Variants in MRPL48 observed in about 807,000 individuals in gnomAD.
MRPL48 encodes large ribosomal subunit protein mL48.
A neutral mutation model predicts 32.9 loss-of-function variants in MRPL48; 16 were observed. The observed-to-expected ratio is 0.49, with a 90% confidence interval of 0.33 to 0.74. MRPL48 has a LOEUF of 0.74. MRPL48 is among the 30% of genes least tolerant of loss of function. MRPL48 has a pLI of 0.02. For missense variants in MRPL48, 206 were observed against 245.3 expected, an observed-to-expected ratio of 0.84 and a Z score of 1.07; for synonymous variants, 94 against 89.2, an observed-to-expected ratio of 1.05 and a Z score of -0.31.
intron 1 of MRPL48, among the ~76,000 whole-genome samples, chr11:73,791,837 A>C (rs1364406609): frequency 6.6e-6 from 1 of 152,214 alleles, no homozygotes; most frequent in African/African-American, 2.4e-5. Flanking sequence ...TGGTAAGTAC[A>C]TGGTAGAGCT....
intron 3 of MRPL48, chr11:73,817,831 G>C: frequency 2.5e-6 from 1 of 395,550 alleles, no homozygotes; most frequent in Admixed American, 2.8e-5. Context: ...AGAGAGAGAC[G>C]GTCTTGCTTG....
chr11:73,817,793 T>TTTG (rs753277435), intron 3 of MRPL48: 10 of 389,532 alleles, frequency 2.6e-5, no homozygotes, highest in South Asian at 9.6e-5. Context: ...GATATTTATT[T>TTTG]TTGTTGTTGT....
chr11:73,825,536 G>T (rs369851016), intron 3 of MRPL48, among the ~76,000 whole-genome samples, 172 bp from the exon 4 acceptor site: 65 of 151,966 alleles, frequency 4.3e-4, no homozygotes, highest in Middle Eastern at 3.4e-3. Flanking sequence ...CGGCGGGGAG[G>T]GGGGTGTGGG....
At chr11:73,842,987 AT>A (rs1369643541) in intron 4 of MRPL48, 2 of 151,402 alleles carry the variant, frequency 1.3e-5, no homozygotes, top group Non-Finnish European at 2.9e-5. Flanking sequence ...AATTAAGAAA[AT>A]TTTTTTTGTA....
At chr11:73,817,915 C>A in intron 3 of MRPL48, 1 of 242,220 alleles carries the variant, frequency 4.1e-6, no homozygotes, top group South Asian at 4.2e-5. Context: ...AGCAATCCTC[C>A]TGCCTCAGCC....
intron 4 of MRPL48, among the ~76,000 whole-genome samples, chr11:73,831,845 C>T (rs1440304272): frequency 1.5e-5 from 2 of 132,316 alleles, no homozygotes; most frequent in East Asian, 2.5e-4. Flanking sequence ...GAGACTGAGG[C>T]GGGAGAATCG....
chr11:73,808,335 C>G lies in MRPL48; in HGVS notation c.97C>G (p.Pro33Ala). Residue 33 changes from proline to alanine, a missense_variant, in exon 3 of 8, where the codon CCC becomes GCC. Pro to Ala is a conservative substitution (Grantham distance 27). Coordinates refer to ENST00000310614, the MANE Select transcript of MRPL48 (RefSeq NM_016055.6). ...LLRFRTSGEK[P>A]IYSVGGILLS... is the part of the protein sequence containing the mutation. ...TAGGTTTAGAACTTCAGGAGAGAAG[C>G]CCATCTATTCTGTAGGTAAGCAGTT... is the stretch of plus-strand genomic sequence containing the variant. 6.2e-7 allele frequency: 1 copy of G among 1,608,424 alleles called. No individual in the cohort carries two copies. The highest frequency in any genetic ancestry group is 8.5e-7 in the Non-Finnish European group (1 of 1,176,822).
intron 5 of MRPL48, among the ~76,000 whole-genome samples, chr11:73,852,209 TTGTC>T (rs1341800582): frequency 2.0e-5 from 3 of 152,252 alleles, no homozygotes; most frequent in East Asian, 3.9e-4. Flanking sequence ...TGCACATTTC[TTGTC>T]TGTCATGGAC....
chr11:73,827,037 A>G (rs1947910007), intron 4 of MRPL48, among the ~76,000 whole-genome samples: 1 of 151,660 alleles, frequency 6.6e-6, no homozygotes. Context: ...CAGCCTCCCA[A>G]AGTGCTGGGA....
intron 4 of MRPL48, among the ~76,000 whole-genome samples, chr11:73,840,736 G>A (rs1030970144): frequency 3.9e-5 from 6 of 152,144 alleles, no homozygotes; most frequent in Admixed American, 6.5e-5. Context: ...CTGACCTCAG[G>A]TGATGCACCC....
intron 6 of MRPL48, chr11:73,860,241 A>G (rs1948562714): frequency 7.2e-6 from 3 of 414,046 alleles, no homozygotes; most frequent in East Asian, 4.5e-5. Context: ...CCAGATGTAT[A>G]TATCTCCAGT....
At chr11:73,819,034 T>C (rs1301920476) in intron 3 of MRPL48, among the ~76,000 whole-genome samples, 1 of 152,244 alleles carries the variant, frequency 6.6e-6, no homozygotes, top group Non-Finnish European at 1.5e-5. Context: ...AACCCACTTA[T>C]TGACATGACA....
intron 3 of MRPL48, among the ~76,000 whole-genome samples, chr11:73,815,537 C>G (rs1184726319): frequency 6.6e-6 from 1 of 151,762 alleles, no homozygotes; most frequent in Non-Finnish European, 1.5e-5. Context: ...CTCTTTGCTG[C>G]CCGGACTTTG....
At chr11:73,792,362 A>G (rs1451172169) in intron 1 of MRPL48, among the ~76,000 whole-genome samples, 3 of 152,204 alleles carry the variant, frequency 2.0e-5, no homozygotes, top group Non-Finnish European at 4.4e-5. Flanking sequence ...CTATTTTCTC[A>G]GGGAATACCT....
chr11:73,831,134 C>G (rs1947986104), intron 4 of MRPL48, among the ~76,000 whole-genome samples: 2 of 152,128 alleles, frequency 1.3e-5, no homozygotes, highest in Non-Finnish European at 2.9e-5. Context: ...GCCACCGTGC[C>G]CAGCCTGTTT....
chr11:73,835,140 C>CTTTTTTT (rs35448499), intron 4 of MRPL48, among the ~76,000 whole-genome samples: 4 of 108,476 alleles, frequency 3.7e-5, no homozygotes, highest in African/African-American at 3.8e-5. Flanking sequence ...GCCATGTTGT[C>CTTTTTTT]TTTTTTTTTT....
At chr11:73,859,676 A>G (rs1247766619) in intron 5 of MRPL48, among the ~76,000 whole-genome samples, 3 of 150,776 alleles carry the variant, frequency 2.0e-5, no homozygotes, top group African/African-American at 7.3e-5. Flanking sequence ...TTTTTTTTGG[A>G]GTATTAAGTA....
chr11:73,825,756 A>G lies in MRPL48; in HGVS notation c.161A>G (p.His54Arg). 1 of 1,569,812 alleles carries G rather than the reference A, an allele frequency of 6.4e-7. No individual in the cohort carries two copies. The highest frequency in any genetic ancestry group is 8.6e-7 in the Non-Finnish European group (1 of 1,157,432). The change falls in exon 4 of 8, where the codon CAC becomes CGC. Residue 54 changes from histidine (H) to arginine (R), a missense_variant. Transcript: ENST00000310614. ...CGGCCCTACAAGACAAAGCCCACCCACGGCATTGGAAAGTACAAGCACTTA... is the reference window on the plus strand; with the variant it reads ...CGGCCCTACAAGACAAAGCCCACCCGCGGCATTGGAAAGTACAAGCACTTA... ...ISRPYKTKPTHGIGKYKHLIK... is the reference protein window; with the variant it reads ...ISRPYKTKPTRGIGKYKHLIK...
At chr11:73,844,245 C>A (rs1190885523) in intron 4 of MRPL48, among the ~76,000 whole-genome samples, 1 of 151,864 alleles carries the variant, frequency 6.6e-6, no homozygotes, top group African/African-American at 2.4e-5. Flanking sequence ...CCCTGGGCAG[C>A]ATGGTGAAAC....
Sources: gnomAD v4.1 joint callset for allele counts (sites outside exome capture counted in the v4.1 genomes callset) on GRCh38, gnomAD v4.1.1 for gene constraint, MANE v1.5 for transcripts, NCBI Gene and HGNC (gene_info 2026-07-23, HGNC 2026-07-21) for gene names.